The following TLE4 variants were observed in gnomAD, a reference collection of about 807,000 sequenced individuals.
The protein encoded by TLE4 is TLE family member 4, transcriptional corepressor, also known as transducin-like enhancer protein 4.
TLE4 carries 8 observed loss-of-function variants against 92.8 expected under a neutral mutation model. The ratio of observed to expected loss-of-function variants is 0.09; its 90% CI spans 0.05 to 0.16. The LOEUF (loss-of-function observed/expected upper bound fraction) is 0.16. Among genes scored for constraint, TLE4 ranks in the 10% least tolerant of loss-of-function variants. The pLI, the probability that TLE4 is intolerant of heterozygous loss-of-function variation, is 1.00. For synonymous variants in TLE4, 371 were observed against 374.1 expected (o/e 0.99, Z 0.10); for missense variants, 675 against 997.6 (o/e 0.68, Z 4.36).
intron 6 of TLE4, among the ~76,000 whole-genome samples, chr9:79,634,758 C>T (rs564553350): frequency 3.3e-5 from 5 of 152,212 alleles, no homozygotes; most frequent in Admixed American, 6.5e-5. Flanking sequence ...TGTAGCCTTC[C>T]GAGGTTTCTT....
At chr9:79,680,556 A>G (rs567362944) in intron 8 of TLE4, among the ~76,000 whole-genome samples, 20 of 152,314 alleles carry the variant, frequency 1.3e-4, no homozygotes, top group African/African-American at 4.6e-4. Context: ...TAGATATACA[A>G]TCATGTCATC....
Position 79,627,456 on chromosome 9 carries a change from G to A in TLE4, c.390+8G>A. 4 of 1,613,978 alleles carry A rather than the reference G, an allele frequency of 2.5e-6. No individual in the cohort carries two copies. The highest frequency in any genetic ancestry group is 3.4e-6 in the Non-Finnish European group (4 of 1,179,834). On this transcript the variant is annotated splice_region_variant and intron_variant, in intron 6 of 19. Coordinates refer to ENST00000376552, the MANE Select transcript of TLE4 (RefSeq NM_007005.6). Reference sequence around the variant, plus strand: ...CTGAACGCCATCATTGGGGTACGTGGCCTTTCCATTTTAGCTCTGATCTTA... The same window carrying A: ...CTGAACGCCATCATTGGGGTACGTGACCTTTCCATTTTAGCTCTGATCTTA...
At chr9:79,652,914 C>G in intron 7 of TLE4, 120 bp downstream of exon 7, 1 of 1,089,526 alleles carries the variant, frequency 9.2e-7, no homozygotes, top group Non-Finnish European at 1.4e-6. Flanking sequence ...CAAAGGATTT[C>G]CACTGGAAGG....
rs1204582531 is a variant in TLE4 at position 79,666,204 on chromosome 9, G to GT, written c.609+12141dup. Among the ~76,000 whole-genome samples, 326 of 99,426 alleles carry GT rather than the reference G, an allele frequency of 3.3e-3. 2 individuals carry two copies. Among genetic ancestry groups the GT allele is most frequent in the African/African-American group, 6.7e-3 (195 of 29,162 alleles). The allele number at this position is 99,426 out of a possible 152,430, so 65.2% of individuals were successfully genotyped here. ...GTGTGTGTGTGTGTGTGTGGGTGGGGTTTTTTTTTTTTGTTTTTTTTTTTT... is the reference window on the plus strand; with the variant it reads ...GTGTGTGTGTGTGTGTGTGGGTGGGGTTTTTTTTTTTTTGTTTTTTTTTTTT... On this transcript the variant is annotated intron_variant, in intron 8 of 19. Transcript: ENST00000376552.
intron 8 of TLE4, among the ~76,000 whole-genome samples, chr9:79,680,629 G>T (rs1386455807): frequency 6.6e-6 from 1 of 152,168 alleles, no homozygotes; most frequent in Non-Finnish European, 1.5e-5. Flanking sequence ...TCCTTCTCCT[G>T]CCTGATTGCC....
intron 8 of TLE4, among the ~76,000 whole-genome samples, chr9:79,664,944 A>G (rs1473412804): frequency 2.6e-5 from 4 of 151,890 alleles, no homozygotes; most frequent in Admixed American, 2.6e-4. Flanking sequence ...CTGGGGAGAA[A>G]TGAAAGAAGA....
chr9:79,607,878 G>A (rs946363049), intron 4 of TLE4, among the ~76,000 whole-genome samples: 1 of 151,982 alleles, frequency 6.6e-6, no homozygotes, highest in African/African-American at 2.4e-5. Context: ...TCTTGGCAAT[G>A]CGGGCTTTTT....
At chr9:79,611,521 C>G (rs1045515465) in intron 4 of TLE4, among the ~76,000 whole-genome samples, 2 of 152,014 alleles carry the variant, frequency 1.3e-5, no homozygotes, top group African/African-American at 4.8e-5. Flanking sequence ...CACTGTCATT[C>G]TGGTAATGAC....
rs138623843 is a variant in TLE4 at position 79,697,258 on chromosome 9, C to T, written c.610-7525C>T. Among the ~76,000 whole-genome samples the T allele has an allele frequency of 1.3e-3, 193 of 152,220 alleles. 2 individuals are homozygous for T. The highest frequency in any genetic ancestry group is 4.5e-3 in the African/African-American group (186 of 41,534). On this transcript the variant is annotated intron_variant, in intron 8 of 19. Transcript: ENST00000376552. ...ACTTTGGGGTGATAGGTAGTTTAAACGATGAACACAATACAAAGTTGTATG... is the reference window on the plus strand; with the variant it reads ...ACTTTGGGGTGATAGGTAGTTTAAATGATGAACACAATACAAAGTTGTATG...
chr9:79,620,870 G>A (rs1042740890), intron 5 of TLE4, among the ~76,000 whole-genome samples: 3 of 152,030 alleles, frequency 2.0e-5, no homozygotes, highest in African/African-American at 7.2e-5. Flanking sequence ...AAGGCGAAGT[G>A]GTGAAAGCAG....
intron 5 of TLE4, among the ~76,000 whole-genome samples, chr9:79,613,295 G>C (rs532417857): frequency 2.0e-5 from 3 of 152,184 alleles, no homozygotes; most frequent in African/African-American, 7.2e-5. Flanking sequence ...CTTTGGTGAT[G>C]GTAGGCTTAG....
chr9:79,716,597 T>C (rs1296457879), intron 14 of TLE4, among the ~76,000 whole-genome samples: 2 of 152,216 alleles, frequency 1.3e-5, no homozygotes, highest in Non-Finnish European at 2.9e-5. Context: ...AAGTATTTGC[T>C]GAATAAATGA....
At chr9:79,649,909 G>A (rs2058679782) in intron 6 of TLE4, 2 of 1,315,978 alleles carry the variant, frequency 1.5e-6, no homozygotes, top group African/African-American at 1.6e-5. Context: ...TTGTTTTTTT[G>A]TTTTTTGTTT....
chr9:79,649,984 T>G, intron 6 of TLE4: 1 of 840,788 alleles, frequency 1.2e-6, no homozygotes, highest in Non-Finnish European at 1.6e-6. Context: ...AGCACAATCA[T>G]GGCTCACTGC....
chr9:79,722,032 G>A lies in TLE4; in HGVS notation c.1986+144G>A, dbSNP rs547228643. 1.5e-5 allele frequency: 18 copies of A among 1,238,556 alleles called. No homozygotes were observed. In the South Asian group the frequency reaches 2.8e-4, roughly 19 times the overall value. 76.7% of individuals were successfully genotyped at this position (1,238,556 alleles called of 1,614,324 possible). ...GTACAAAAATTAGCTGGGCATGGTG[G>A]CATGTGCCTGTAGTCCCAGCTACTT... On this transcript the variant is annotated intron_variant, in intron 17 of 19. Coordinates refer to ENST00000376552, the MANE Select transcript of TLE4 (RefSeq NM_007005.6).
chr9:79,676,428 A>G (rs2063268117), intron 8 of TLE4, among the ~76,000 whole-genome samples: 1 of 152,148 alleles, frequency 6.6e-6, no homozygotes, highest in South Asian at 2.1e-4. Flanking sequence ...GGCTGCCCCA[A>G]CAATTTGATA....
At chr9:79,706,632 C>T in intron 10 of TLE4, 115 bp from the exon 11 acceptor site, 7 of 1,331,410 alleles carry the variant, frequency 5.3e-6, no homozygotes, top group African/African-American at 1.5e-5. Context: ...TGTTCTAGCA[C>T]ATTTGTGCTT....
rs117335322 is a variant in TLE4 at position 79,700,112 on chromosome 9, C to T, written c.610-4671C>T. Among the ~76,000 whole-genome samples the T allele has an allele frequency of 1.7e-3, 259 of 152,242 alleles. 1 individual carries two copies. Among genetic ancestry groups the T allele is most frequent in the South Asian group, 5.4e-3 (26 of 4,826 alleles). On this transcript the variant is annotated intron_variant, in intron 8 of 19. Transcript: ENST00000376552. Reference sequence around the variant, plus strand: ...GCTAGGCTATGTGCCTGGGACTGCGCGTTGTACTTTATGTGGATTATTTTT... The same window carrying T: ...GCTAGGCTATGTGCCTGGGACTGCGTGTTGTACTTTATGTGGATTATTTTT...
At chr9:79,672,377 A>G (rs1297849767) in intron 8 of TLE4, among the ~76,000 whole-genome samples, 1 of 152,128 alleles carries the variant, frequency 6.6e-6, no homozygotes. Context: ...GCCCCTGAGC[A>G]GACAGGATTT....
Sources: allele counts gnomAD v4.1 joint callset (sites outside exome capture counted in the v4.1 genomes callset), GRCh38; gene constraint gnomAD v4.1.1; transcripts MANE v1.5; gene names NCBI Gene and HGNC (gene_info 2026-07-23, HGNC 2026-07-21).